The following SPTB variants were observed in gnomAD, a reference collection of about 807,000 sequenced individuals.
SPTB encodes spectrin beta, erythrocytic, also known as spectrin beta chain, erythrocytic.
A neutral mutation model predicts 256.2 loss-of-function variants in SPTB; 45 were observed. The ratio of observed to expected loss-of-function variants is 0.18; its 90% CI spans 0.14 to 0.23. SPTB has a LOEUF of 0.23. SPTB is among the 10% of genes least tolerant of loss of function. The pLI is 1.00. For synonymous variants in SPTB, 1,231 were observed against 1,243.1 expected (o/e 0.99, Z 0.21); for missense variants, 2,715 against 3,040.4 (o/e 0.89, Z 2.52).
intron 2 of SPTB, among the ~76,000 whole-genome samples, chr14:64,817,543 C>T (rs1055355116): frequency 4.6e-5 from 7 of 152,204 alleles, no homozygotes; most frequent in Non-Finnish European, 7.3e-5. Context: ...ACAACTGGTG[C>T]CTTGTTCTCC....
intron 32 of SPTB, among the ~76,000 whole-genome samples, chr14:64,762,646 A>G (rs170679): frequency 0.94 from 143,575 of 152,328 alleles, 67,784 homozygotes; most frequent in East Asian, 1. Flanking sequence ...CTAGCGAGAT[A>G]CTCAGTCCCT....
At chr14:64,770,276 G>A (rs2082258650) in intron 27 of SPTB, among the ~76,000 whole-genome samples, 1 of 152,184 alleles carries the variant, frequency 6.6e-6, no homozygotes, top group South Asian at 2.1e-4. Flanking sequence ...AAAAACCACT[G>A]AATGATACAC....
In SPTB at chr14:64,772,828, C is replaced by T. The variant is rs1318954030; in HGVS notation, c.5305G>A (p.Ala1769Thr). 7 of 1,613,652 alleles carry T rather than the reference C, an allele frequency of 4.3e-6. No homozygotes were observed. Among genetic ancestry groups the T allele is most frequent in the Non-Finnish European group, 5.9e-6 (7 of 1,179,966 alleles). Residue 1769 changes from alanine to threonine, a missense_variant, in exon 26 of 36, where the codon GCC becomes ACC. By Grantham distance (58) the Ala-to-Thr change is moderately conservative (BLOSUM62 0). This residue lies in a region of SPTB where 2,239 missense variants were observed against 2,384.4 expected (regional missense o/e 0.94). Transcript: ENST00000644917. This position sits in a 1 kb window ranked among gnomAD's most constrained non-coding sequence, Gnocchi z 5.4. ...TCGTTCAGCCCGTCCTTCCACTCGG[C>T]GATGGTGGCCGCCTCGCTGTGGCCC... ...DAGHSEAATIAEWKDGLNEMW... is the reference protein window; with the variant it reads ...DAGHSEAATITEWKDGLNEMW...
At chr14:64,838,724 AC>A (rs2083561821) in intron 1 of SPTB, among the ~76,000 whole-genome samples, 1 of 152,208 alleles carries the variant, frequency 6.6e-6, no homozygotes. Flanking sequence ...TAAAAAAAAA[AC>A]AATTCTGCAG....
rs2082575096 is a variant in SPTB at position 64,786,636 on chromosome 14, A to G, written c.3329T>C (p.Ile1110Thr). ...LQQHAGIKDEIDGHQDSYQRV... is the reference protein window; with the variant it reads ...LQQHAGIKDETDGHQDSYQRV... ...CTGGTAGCTGTCTTGGTGCCCGTCA[A>G]TCTCATCCTTGATACCTGCATGCTG... The change falls in exon 16 of 36, where the codon ATT (isoleucine) becomes ACT (threonine). Residue 1110 changes from isoleucine to threonine, a missense_variant. This residue lies in a region of SPTB where 2,239 missense variants were observed against 2,384.4 expected (regional missense o/e 0.94). Transcript: ENST00000644917. This position sits in a 1 kb window ranked among gnomAD's most constrained non-coding sequence, Gnocchi z 5.6. 3.1e-6 allele frequency: 5 copies of G among 1,614,118 alleles called. No individual in the cohort carries two copies. The highest frequency in any genetic ancestry group is 1.1e-5 in the South Asian group (1 of 91,078).
At position 64,865,324 on chromosome 14, in the gene SPTB, G is replaced by A. The variant is rs532930568; in HGVS notation, c.-52+14468C>T. Among the ~76,000 whole-genome samples, 155 of 151,720 alleles carry A rather than the reference G, an allele frequency of 1.0e-3. 1 individual carries two copies. Among genetic ancestry groups the A allele is most frequent in the Non-Finnish European group, 3.2e-4 (22 of 67,938 alleles). ...GCCTCTTCTGCAGAGGAGGCACACA[G>A]CTTATGCAAAACAAGCAGAAGGCAC... On this transcript the variant is annotated intron_variant, in intron 1 of 35. Coordinates refer to ENST00000644917, the MANE Select transcript of SPTB (RefSeq NM_001355436.2).
At chr14:64,813,173 T>C (rs922222816) in intron 2 of SPTB, among the ~76,000 whole-genome samples, 6 of 152,192 alleles carry the variant, frequency 3.9e-5, no homozygotes, top group Non-Finnish European at 5.9e-5. Context: ...GCAGTGGGCA[T>C]ATATTGGTTT....
chr14:64,765,556 G>C (rs189853134), intron 32 of SPTB, among the ~76,000 whole-genome samples: 1,591 of 152,264 alleles, frequency 0.01, 10 homozygotes, highest in Non-Finnish European at 0.016. Flanking sequence ...CGACAAGTTG[G>C]GGGGCTGACC....
chr14:64,751,946 T>TAAAAAAAAAAAAAAAAAAAAA (rs1566731898), intron 33 of SPTB, among the ~76,000 whole-genome samples: 24 of 90,462 alleles, frequency 2.7e-4, no homozygotes, highest in African/African-American at 4.0e-4. Context: ...AAAAAAAAAT[T>TAAAAAAAAAAAAAAAAAAAAA]AGCCAGGCGT....
rs200787781 is a variant in SPTB, at chr14:64,767,336, C to T, written c.6236G>A (p.Arg2079His). ...CTCTGCGGGTCTCTCTGCAATCTGG[C>T]GTTCTTTCAGCTCAAGCTAGAGGAG... Reference protein sequence around the residue: ...EKPTTLELKERQIAERPAEET... With the variant: ...EKPTTLELKEHQIAERPAEET... The change falls in exon 31 of 36, where the codon CGC (arginine) becomes CAC (histidine). Residue 2079 changes from arginine (R) to histidine (H), a missense_variant. Transcript: ENST00000644917. 85 of 1,613,926 alleles carry T rather than the reference C, an allele frequency of 5.3e-5. No homozygotes were observed. In the Middle Eastern group the frequency reaches 1.2e-3, roughly 22 times the overall value.
chr14:64,750,735 C>T (rs1169175700), intron 33 of SPTB, among the ~76,000 whole-genome samples: 1 of 151,018 alleles, frequency 6.6e-6, no homozygotes, highest in Admixed American at 6.6e-5. Flanking sequence ...GAGATTGAGC[C>T]ACTGCACTTC....
chr14:64,781,477 C>T (rs1432730670), intron 20 of SPTB, among the ~76,000 whole-genome samples: 1 of 152,222 alleles, frequency 6.6e-6, no homozygotes, highest in Admixed American at 6.5e-5. Context: ...CTTAATATCA[C>T]TGATCATTAG....
chr14:64,765,090 GTCTC>G (rs1309113224), intron 32 of SPTB, among the ~76,000 whole-genome samples: 26 of 151,062 alleles, frequency 1.7e-4, no homozygotes, highest in African/African-American at 5.8e-4. Context: ...GAGGGCATCT[GTCTC>G]TCTCAGAGGG....
intron 1 of SPTB, among the ~76,000 whole-genome samples, chr14:64,829,829 G>A (rs192450791): frequency 5.5e-4 from 84 of 152,176 alleles, no homozygotes; most frequent in African/African-American, 2.0e-3. Flanking sequence ...TGGTCCTAAG[G>A]CCCTTCCCAT....
Position 64,801,356 on chromosome 14 carries a change from C to T in SPTB, c.692G>A (p.Arg231Gln), listed in dbSNP as rs1289830655. The T allele has an allele frequency of 2.0e-5, 32 of 1,614,050 alleles. No homozygotes were observed. Among genetic ancestry groups the T allele is most frequent in the East Asian group, 4.5e-5 (2 of 44,896 alleles). Reference sequence around the variant, plus strand: ...ATTGAATGCGTGCTCCAGGTTGTGCCGGGCATTGGAGTCCTTCAGCTTATC... The same window carrying T: ...ATTGAATGCGTGCTCCAGGTTGTGCTGGGCATTGGAGTCCTTCAGCTTATC... Reference protein sequence around the residue: ...DFDKLKDSNARHNLEHAFNVA... With the variant: ...DFDKLKDSNAQHNLEHAFNVA... The change falls in exon 7 of 36, where the codon CGG becomes CAG. Residue 231 changes from arginine to glutamine, a missense_variant. Around this residue, in one of 4 missense-constraint regions of SPTB, gnomAD observed 416 missense variants for 571.1 expected, o/e 0.73. Coordinates refer to ENST00000644917, the MANE Select transcript of SPTB (RefSeq NM_001355436.2).
Position 64,796,320 on chromosome 14 carries a change from T to C in SPTB, c.1341+237A>G. Among the ~76,000 whole-genome samples the C allele has an allele frequency of 6.6e-6, 1 of 152,168 alleles. No individual in the cohort carries two copies. Among genetic ancestry groups the C allele is most frequent in the Non-Finnish European group, 1.5e-5 (1 of 68,018 alleles). Reference sequence around the variant, plus strand: ...CTGTAGTTGACACTACAGGCCCACATAAGACAACTTCAGCGGCCAGTTCTA... The same window carrying C: ...CTGTAGTTGACACTACAGGCCCACACAAGACAACTTCAGCGGCCAGTTCTA... On this transcript the variant is annotated intron_variant, in intron 11 of 35. Transcript: ENST00000644917. The surrounding 1 kb of genome is among the most constrained non-coding windows in gnomAD (Gnocchi z 4.1).
intron 23 of SPTB, among the ~76,000 whole-genome samples, chr14:64,774,752 C>T (rs2082332324): frequency 6.6e-6 from 1 of 152,152 alleles, no homozygotes; most frequent in Non-Finnish European, 1.5e-5. Context: ...CGACATATAC[C>T]CTTCCTTTTG....
intron 13 of SPTB, 29 bp downstream of exon 13, chr14:64,794,438 C>T (rs1269631863): frequency 1.2e-6 from 2 of 1,613,858 alleles, no homozygotes; most frequent in East Asian, 4.5e-5. Flanking sequence ...CATTGGAAGC[C>T]TCAAAAGGGG....
chr14:64,879,061 A>C (rs1882975012), intron 1 of SPTB, among the ~76,000 whole-genome samples: 1 of 152,198 alleles, frequency 6.6e-6, no homozygotes, highest in African/African-American at 2.4e-5. Context: ...GCTATTTCTC[A>C]AGACCAAGTT....
Sources: allele counts gnomAD v4.1 joint callset (sites outside exome capture counted in the v4.1 genomes callset), GRCh38; gene constraint gnomAD v4.1.1; regional missense constraint gnomAD v4.1.1; non-coding constraint Gnocchi (gnomAD v3.1); transcripts MANE v1.5; gene names NCBI Gene and HGNC (gene_info 2026-07-23, HGNC 2026-07-21).